The following SDK1 variants were observed in gnomAD, a reference collection of about 807,000 sequenced individuals.
SDK1 encodes protein sidekick-1.
Under a neutral mutation model 245.5 loss-of-function variants are expected in SDK1, and 157 were observed. The ratio of observed to expected loss-of-function variants is 0.64; its 90% CI spans 0.56 to 0.73. The LOEUF (loss-of-function observed/expected upper bound fraction) is 0.73. Ranked by LOEUF, SDK1 falls within the 30% of genes least tolerant of loss-of-function variation. SDK1 has a pLI of 0.00. For synonymous variants in SDK1, 1,647 were observed against 1,278.5 expected (o/e 1.29, Z -6.15); for missense variants, 3,583 against 3,002.3 (o/e 1.19, Z -4.52).
chr7:4,232,863 C>G (rs550567968), intron 40 of SDK1: 1 of 158,810 alleles, frequency 6.3e-6, no homozygotes, highest in African/African-American at 2.4e-5. Flanking sequence ...AACATCCTCT[C>G]TATGTCTGAT....
At chr7:4,158,244 A>T (rs1183592351) in intron 30 of SDK1, among the ~76,000 whole-genome samples, 1 of 152,182 alleles carries the variant, frequency 6.6e-6, no homozygotes, top group Non-Finnish European at 1.5e-5. Flanking sequence ...GGTCTCCTTC[A>T]AGCCCCTGCT....
At chr7:3,785,794 C>G (rs992920548) in intron 4 of SDK1, among the ~76,000 whole-genome samples, 5 of 152,160 alleles carry the variant, frequency 3.3e-5, no homozygotes, top group African/African-American at 1.2e-4. Flanking sequence ...AAAAAGGTCC[C>G]AAGCATGACA....
intron 1 of SDK1, among the ~76,000 whole-genome samples, chr7:3,536,083 G>C (rs1338063512): frequency 2.7e-5 from 4 of 150,604 alleles, no homozygotes; most frequent in African/African-American, 9.8e-5. Context: ...CTTAGACGGA[G>C]TCTCACTCTG....
intron 5 of SDK1, among the ~76,000 whole-genome samples, chr7:3,943,316 C>T (rs2128122199): frequency 6.6e-6 from 1 of 151,976 alleles, no homozygotes; most frequent in African/African-American, 2.4e-5. Context: ...TTCCCGCCTT[C>T]CCACCAGGCT....
chr7:3,464,530 A>G (rs1780930005), intron 1 of SDK1, among the ~76,000 whole-genome samples: 1 of 152,160 alleles, frequency 6.6e-6, no homozygotes, highest in Admixed American at 6.5e-5. Flanking sequence ...CTAAAAATAC[A>G]AAGGTATTAA....
intron 4 of SDK1, among the ~76,000 whole-genome samples, chr7:3,753,236 A>G (rs1258655524): frequency 1.3e-5 from 2 of 152,230 alleles, no homozygotes; most frequent in Non-Finnish European, 2.9e-5. Flanking sequence ...AAAATTATAA[A>G]CCCTCTTCAT....
chr7:3,875,086 C>G (rs1008889159), intron 5 of SDK1, among the ~76,000 whole-genome samples: 1 of 152,224 alleles, frequency 6.6e-6, no homozygotes, highest in African/African-American at 2.4e-5. Context: ...ATTCAGACTT[C>G]TAGTTGAATC....
intron 1 of SDK1, among the ~76,000 whole-genome samples, chr7:3,446,742 T>G (rs575037541): frequency 6.6e-6 from 1 of 152,326 alleles, no homozygotes; most frequent in Non-Finnish European, 1.5e-5. Context: ...ATAACTAGTA[T>G]CAAATCAGTG....
At chr7:3,920,237 G>A (rs917425136) in intron 5 of SDK1, among the ~76,000 whole-genome samples, 6 of 152,172 alleles carry the variant, frequency 3.9e-5, no homozygotes, top group South Asian at 4.1e-4. Flanking sequence ...GGGGTGATTC[G>A]TTGAAAGATC....
chr7:3,882,049 C>G (rs1250889151), intron 5 of SDK1, among the ~76,000 whole-genome samples: 1 of 152,076 alleles, frequency 6.6e-6, no homozygotes, highest in Non-Finnish European at 1.5e-5. Flanking sequence ...TGGCGGAAGG[C>G]AAAAGGCACG....
chr7:3,563,088 T>C (rs896179234), intron 1 of SDK1, among the ~76,000 whole-genome samples: 2 of 151,998 alleles, frequency 1.3e-5, no homozygotes, highest in Non-Finnish European at 2.9e-5. Context: ...TGAAGAAACA[T>C]ACAGATGGAT....
At chr7:4,081,058 T>G (rs1261297402) in intron 22 of SDK1, among the ~76,000 whole-genome samples, 1 of 152,168 alleles carries the variant, frequency 6.6e-6, no homozygotes, top group Non-Finnish European at 1.5e-5. Context: ...AAGCACGCGC[T>G]GTGGTCTTTG....
chr7:3,891,143 T>G (rs2128101783), intron 5 of SDK1, among the ~76,000 whole-genome samples: 1 of 152,256 alleles, frequency 6.6e-6, no homozygotes, highest in African/African-American at 2.4e-5. Context: ...AGCCCAGTGG[T>G]ACTTCCACTG....
At chr7:3,888,916 A>G (rs1416886927) in intron 5 of SDK1, among the ~76,000 whole-genome samples, 1 of 152,250 alleles carries the variant, frequency 6.6e-6, no homozygotes. Flanking sequence ...AAAAATTGCA[A>G]GAGTGTTAAA....
intron 1 of SDK1, among the ~76,000 whole-genome samples, chr7:3,614,349 T>C (rs1192551418): frequency 6.6e-6 from 1 of 152,238 alleles, no homozygotes; most frequent in African/African-American, 2.4e-5. Flanking sequence ...AATACAGAAG[T>C]ATTCCTAACG....
intron 1 of SDK1, among the ~76,000 whole-genome samples, chr7:3,303,371 T>C (rs1779333354): frequency 6.6e-6 from 1 of 152,186 alleles, no homozygotes; most frequent in Non-Finnish European, 1.5e-5. Context: ...CACTAAGACC[T>C]GTACGTTCAT....
At chr7:3,482,006 G>C (rs141064465) in intron 1 of SDK1, among the ~76,000 whole-genome samples, 83 of 148,844 alleles carry the variant, frequency 5.6e-4, no homozygotes, top group African/African-American at 2.0e-3. Context: ...ATATAATAAG[G>C]GATTAATAAT....
intron 1 of SDK1, among the ~76,000 whole-genome samples, chr7:3,336,808 A>C (rs1780212626): frequency 6.6e-6 from 1 of 151,634 alleles, no homozygotes; most frequent in Non-Finnish European, 1.5e-5. Context: ...AGTGAGCTGA[A>C]CTCTCACCCC....
intron 4 of SDK1, among the ~76,000 whole-genome samples, chr7:3,658,660 G>A (rs1173302506): frequency 6.9e-6 from 1 of 143,912 alleles, no homozygotes; most frequent in African/African-American, 2.6e-5. Flanking sequence ...CATCCAGGCT[G>A]GAGTGCAGTG....
Sources: gnomAD v4.1 joint callset for allele counts (sites outside exome capture counted in the v4.1 genomes callset) on GRCh38, gnomAD v4.1.1 for gene constraint, MANE v1.5 for transcripts, NCBI Gene and HGNC (gene_info 2026-07-23, HGNC 2026-07-21) for gene names.